The following DPH6 variants were observed in gnomAD, a reference collection of about 807,000 sequenced individuals.
The protein encoded by DPH6 is diphthine--ammonia ligase.
Under a neutral mutation model 38.2 loss-of-function variants are expected in DPH6, and 33 were observed. That is an observed-to-expected ratio of 0.86 (90% confidence interval 0.65 to 1.15). DPH6 has a LOEUF of 1.15. Ranked by LOEUF, DPH6 falls within the 50% of genes most tolerant of loss-of-function variation. The pLI, the probability that DPH6 is intolerant of heterozygous loss-of-function variation, is 0.00. For synonymous variants in DPH6, 108 were observed against 103.0 expected (o/e 1.05, Z -0.30); for missense variants, 325 against 320.0 (o/e 1.02, Z -0.12).
At chr15:35,237,249 T>C (rs927612440) in intron 3 of DPH6, 20 of 1,334,132 alleles carry the variant, frequency 1.5e-5, no homozygotes, top group Middle Eastern at 2.1e-4. Context: ...TGGTTGAGCC[T>C]TGAAAGTGCT....
chr15:35,147,347 T>C, the DPH6 span, among the ~76,000 whole-genome samples: 1 of 152,222 alleles, frequency 6.6e-6, no homozygotes, highest in Non-Finnish European at 1.5e-5. Flanking sequence ...AGTATATATT[T>C]CATCATTTAT....
intron 5 of DPH6, among the ~76,000 whole-genome samples, chr15:35,426,123 T>C (rs2053567812): frequency 6.6e-6 from 1 of 151,446 alleles, no homozygotes; most frequent in Non-Finnish European, 1.5e-5. Context: ...CTCTTTTTTT[T>C]TCTTAAGTTG....
chr15:35,237,812 T>C, intron 3 of DPH6: 2 of 1,579,084 alleles, frequency 1.3e-6, no homozygotes, highest in Non-Finnish European at 1.7e-6. Context: ...TGCTGAGGGC[T>C]ACGTGGAGGG....
At chr15:35,163,135 C>T in the DPH6 span, among the ~76,000 whole-genome samples, 1 of 151,916 alleles carries the variant, frequency 6.6e-6, no homozygotes, top group Non-Finnish European at 1.5e-5. Flanking sequence ...CTGACCCCCA[C>T]AGCTTTTGAG....
intron 3 of DPH6, among the ~76,000 whole-genome samples, chr15:35,483,511 A>C (rs2054356908): frequency 6.6e-6 from 1 of 152,054 alleles, no homozygotes; most frequent in Admixed American, 6.6e-5. Flanking sequence ...ATGAGATACC[A>C]ATATAAACTC....
At chr15:35,227,955 T>G (rs2051493587) in intron 3 of DPH6, among the ~76,000 whole-genome samples, 1 of 152,190 alleles carries the variant, frequency 6.6e-6, no homozygotes, top group Non-Finnish European at 1.5e-5. Flanking sequence ...ATTATTGACT[T>G]CTAGTTTTAT....
At chr15:35,491,872 A>G (rs1025539599) in intron 3 of DPH6, among the ~76,000 whole-genome samples, 4 of 151,218 alleles carry the variant, frequency 2.6e-5, no homozygotes, top group African/African-American at 7.3e-5. Context: ...ATGTGTGTGT[A>G]TATATATACA....
chr15:35,413,157 T>TA (rs1228235154), intron 5 of DPH6, among the ~76,000 whole-genome samples: 1 of 151,574 alleles, frequency 6.6e-6, no homozygotes, highest in Non-Finnish European at 1.5e-5. Context: ...CAAAATAAAA[T>TA]AAAAAAATTT....
At chr15:35,463,799 T>C (rs571213283) in intron 3 of DPH6, among the ~76,000 whole-genome samples, 13 of 152,284 alleles carry the variant, frequency 8.5e-5, no homozygotes, top group South Asian at 2.1e-4. Flanking sequence ...TATATATATA[T>C]ACACATTCAT....
At chr15:35,463,484 G>C (rs1004012636) in intron 3 of DPH6, among the ~76,000 whole-genome samples, 2 of 152,090 alleles carry the variant, frequency 1.3e-5, no homozygotes, top group Non-Finnish European at 2.9e-5. Flanking sequence ...GGTACATTTG[G>C]AAGAGGGAAA....
intron 3 of DPH6, among the ~76,000 whole-genome samples, chr15:35,321,582 C>T (rs2052240855): frequency 6.6e-6 from 1 of 152,194 alleles, no homozygotes; most frequent in Non-Finnish European, 1.5e-5. Flanking sequence ...GTAATAGTCA[C>T]ACAGGTGTGA....
At chr15:35,415,145 T>C (rs996755067) in intron 5 of DPH6, among the ~76,000 whole-genome samples, 3 of 151,996 alleles carry the variant, frequency 2.0e-5, no homozygotes, top group Non-Finnish European at 4.4e-5. Flanking sequence ...TTCCTTCTTA[T>C]ATTCATCTAT....
chr15:35,457,230 C>G (rs1164207908), intron 3 of DPH6, among the ~76,000 whole-genome samples: 1 of 152,210 alleles, frequency 6.6e-6, no homozygotes, highest in East Asian at 1.9e-4. Context: ...GCTGGGATGA[C>G]AAGCTTGAGC....
chr15:35,379,851 G>A (rs1169810697), intron 7 of DPH6, among the ~76,000 whole-genome samples: 1 of 152,100 alleles, frequency 6.6e-6, no homozygotes, highest in Non-Finnish European at 1.5e-5. Flanking sequence ...TGTATGCTCT[G>A]ATAAGTATGA....
At chr15:35,472,237 T>G (rs746258481) in intron 3 of DPH6, among the ~76,000 whole-genome samples, 1 of 152,118 alleles carries the variant, frequency 6.6e-6, no homozygotes, top group Non-Finnish European at 1.5e-5. Flanking sequence ...GTGACAGAAC[T>G]GAGAAACCAA....
At chr15:35,179,016 G>A in the DPH6 span, among the ~76,000 whole-genome samples, 1 of 151,846 alleles carries the variant, frequency 6.6e-6, no homozygotes, top group Non-Finnish European at 1.5e-5. Context: ...AGACCAGCCT[G>A]ACCAACATGG....
intron 3 of DPH6, chr15:35,521,116 C>CA: frequency 1.0e-6 from 1 of 985,162 alleles, no homozygotes; most frequent in African/African-American, 1.7e-5. Flanking sequence ...AAAAGTAAAG[C>CA]AATGCTAAAG....
intron 3 of DPH6, among the ~76,000 whole-genome samples, chr15:35,484,337 T>G (rs568991619): frequency 6.6e-6 from 1 of 152,376 alleles, no homozygotes; most frequent in East Asian, 1.9e-4. Context: ...ACAGATTCTG[T>G]GCTTTAGGAA....
At chr15:35,190,805 T>C in the DPH6 span, among the ~76,000 whole-genome samples, 21 of 152,370 alleles carry the variant, frequency 1.4e-4, 1 homozygote, top group African/African-American at 4.8e-4. Flanking sequence ...TGCCCTGGAA[T>C]GAACAAGGAC....
Sources: allele counts gnomAD v4.1 joint callset (sites outside exome capture counted in the v4.1 genomes callset), GRCh38; gene constraint gnomAD v4.1.1; transcripts MANE v1.5; gene names NCBI Gene and HGNC (gene_info 2026-07-23, HGNC 2026-07-21).